MBD5: variants seen among roughly 807,000 people sequenced by gnomAD.
MBD5 encodes the protein methyl-CpG-binding domain protein 5.
In MBD5, 13 loss-of-function variants were observed where a neutral mutation model predicts 117.3. The observed-to-expected ratio is 0.11, with a 90% CI of 0.07 to 0.18. The LOEUF (loss-of-function observed/expected upper bound fraction) is 0.18, where lower values mean the gene tolerates loss of function less well. Among genes scored for constraint, MBD5 ranks in the 10% least tolerant of loss-of-function variants. The pLI is 1.00. For missense variants in MBD5, 1,879 were observed against 2,093.8 expected, an observed-to-expected ratio of 0.90 and a Z score of 2.00; for synonymous variants, 727 against 766.4, an observed-to-expected ratio of 0.95 and a Z score of 0.85.
chr2:148,472,849 A>T (rs1234462045), intron 8 of MBD5, among the ~76,000 whole-genome samples: 1 of 152,086 alleles, frequency 6.6e-6, no homozygotes, highest in Non-Finnish European at 1.5e-5. Context: ...TCCCTATATT[A>T]TTTCTAATCT....
intron 4 of MBD5, among the ~76,000 whole-genome samples, chr2:148,363,490 C>A (rs1490355796): frequency 1.3e-5 from 2 of 152,152 alleles, no homozygotes; most frequent in Non-Finnish European, 2.9e-5. Context: ...ACCTCGGCCT[C>A]CCAAAGTGCT....
intron 1 of MBD5, among the ~76,000 whole-genome samples, chr2:148,169,374 A>T (rs1302928672): frequency 6.6e-6 from 1 of 152,094 alleles, no homozygotes; most frequent in East Asian, 1.9e-4. Flanking sequence ...CAGCCTTATT[A>T]GATCATTAAC....
At chr2:148,502,363 G>A in intron 11 of MBD5, 73 bp from the exon 12 acceptor site, 2 of 1,409,550 alleles carry the variant, frequency 1.4e-6, no homozygotes, top group Non-Finnish European at 2.0e-6. Context: ...TGCTTGTACG[G>A]CAGGAAAGTA....
intron 2 of MBD5, among the ~76,000 whole-genome samples, chr2:148,200,042 A>G (rs1362487376): frequency 2.0e-5 from 3 of 152,044 alleles, no homozygotes; most frequent in Non-Finnish European, 4.4e-5. Context: ...TTTTAAAATT[A>G]CCTCCTCAAT....
chr2:148,145,807 C>T (rs561182584), intron 1 of MBD5, among the ~76,000 whole-genome samples: 5 of 152,230 alleles, frequency 3.3e-5, no homozygotes, highest in East Asian at 1.9e-4. Flanking sequence ...CACACTTGAT[C>T]GTGGTGGATA....
rs200752392 is a variant in MBD5, at chr2:148,232,700, A to G, written c.-830-545A>G. The stretch of plus-strand genomic sequence containing the variant: ...AGTCTCACTATGTTGCCAACACTGT[A>G]TAGATACTTTTTAATAAAATAATGT... On this transcript the variant is annotated intron_variant, in intron 2 of 13. Transcript: ENST00000642680. Among the ~76,000 whole-genome samples, 23 of 149,800 alleles carry G rather than the reference A, an allele frequency of 1.5e-4. No homozygotes were observed. In the East Asian group the frequency reaches 3.9e-3, roughly 26 times the overall value.
At chr2:148,052,981 A>G (rs1026939167) in intron 1 of MBD5, among the ~76,000 whole-genome samples, 46 of 81,274 alleles carry the variant, frequency 5.7e-4, no homozygotes, top group Non-Finnish European at 9.2e-4. Flanking sequence ...AAAAAAAAAA[A>G]AGAGAGAGAC....
chr2:148,181,149 A>G (rs1235336842), intron 2 of MBD5, among the ~76,000 whole-genome samples: 1 of 152,118 alleles, frequency 6.6e-6, no homozygotes, highest in Non-Finnish European at 1.5e-5. Flanking sequence ...TCTCATTGTG[A>G]TCCTTACTAT....
At chr2:148,264,435 A>C (rs1700809219) in intron 3 of MBD5, 1 of 152,198 alleles carries the variant, frequency 6.6e-6, no homozygotes, top group Non-Finnish European at 1.5e-5. Context: ...CTGGTATTCA[A>C]ACCTGATCAG....
chr2:148,120,725 A>G (rs1447328363), intron 1 of MBD5, among the ~76,000 whole-genome samples: 1 of 152,178 alleles, frequency 6.6e-6, no homozygotes, highest in Non-Finnish European at 1.5e-5. Flanking sequence ...TCCTCTGCAA[A>G]TAAAGATTGA....
In MBD5 at chr2:148,142,930, C is replaced by T. The variant is rs113435113; in HGVS notation, c.-924-35770C>T. 2.6e-3 allele frequency among the ~76,000 whole-genome samples: 393 copies of T among 152,272 alleles called. 1 individual carries two copies. Among genetic ancestry groups the T allele is most frequent in the African/African-American group, 8.9e-3 (368 of 41,558 alleles). On this transcript the variant is annotated intron_variant, in intron 1 of 13. Transcript: ENST00000642680. The stretch of plus-strand genomic sequence containing the variant: ...AAATAATAGCCATGTTCCTAGTTCA[C>T]TTTTGGGCCTATAATATTTATAAGT...
At chr2:148,378,761 G>T (rs1466008637) in intron 4 of MBD5, among the ~76,000 whole-genome samples, 1 of 151,922 alleles carries the variant, frequency 6.6e-6, no homozygotes, top group Non-Finnish European at 1.5e-5. Context: ...ATTTGGTATA[G>T]CTTCAATATA....
intron 4 of MBD5, among the ~76,000 whole-genome samples, chr2:148,349,629 G>A (rs904533075): frequency 1.3e-5 from 2 of 151,890 alleles, no homozygotes; most frequent in Non-Finnish European, 2.9e-5. Context: ...TACATAATTA[G>A]CCATGAATTC....
chr2:148,214,881 G>A (rs964740485), intron 2 of MBD5, among the ~76,000 whole-genome samples: 18 of 152,112 alleles, frequency 1.2e-4, no homozygotes, highest in African/African-American at 4.1e-4. Flanking sequence ...TGCCCATCCT[G>A]ACAGATTATT....
intron 3 of MBD5, among the ~76,000 whole-genome samples, chr2:148,318,474 T>A (rs1291774034): frequency 6.6e-6 from 1 of 152,144 alleles, no homozygotes; most frequent in African/African-American, 2.4e-5. Context: ...TTTAGTCCTA[T>A]TTGTCTATTT....
chr2:148,046,032 G>A (rs1311252580), intron 1 of MBD5, among the ~76,000 whole-genome samples: 1 of 135,372 alleles, frequency 7.4e-6, no homozygotes, highest in Admixed American at 8.4e-5. Context: ...TTGCCAGGCT[G>A]GAGTGCAGTG....
chr2:148,383,816 C>G (rs185775785), intron 4 of MBD5, among the ~76,000 whole-genome samples: 11 of 152,236 alleles, frequency 7.2e-5, no homozygotes, highest in Admixed American at 6.5e-4. Flanking sequence ...ATATGAAAGT[C>G]AATAAACATA....
At chr2:148,484,236 TG>T in intron 9 of MBD5, 101 bp downstream of exon 9, 1 of 1,069,066 alleles carries the variant, frequency 9.4e-7, no homozygotes. Flanking sequence ...TTTTTAAAAA[TG>T]TTTTTGTTAT....
At chr2:148,302,622 G>GT (rs1298795565) in intron 3 of MBD5, among the ~76,000 whole-genome samples, 1 of 147,056 alleles carries the variant, frequency 6.8e-6, no homozygotes, top group Non-Finnish European at 1.5e-5. Flanking sequence ...TCGGTTTTGG[G>GT]TTTTTGTTTG....
Sources: gnomAD v4.1 joint callset for allele counts (sites outside exome capture counted in the v4.1 genomes callset) on GRCh38, gnomAD v4.1.1 for gene constraint, MANE v1.5 for transcripts, NCBI Gene and HGNC (gene_info 2026-07-23, HGNC 2026-07-21) for gene names.